The following RANBP2 variants were observed in gnomAD, a reference collection of about 807,000 sequenced individuals.
The protein encoded by RANBP2 is E3 SUMO-protein ligase RanBP2.
RANBP2 carries 57 observed loss-of-function variants against 303.6 expected under a neutral mutation model. The observed-to-expected ratio is 0.19, with a 90% CI of 0.15 to 0.23. The LOEUF is 0.23. RANBP2 is among the 10% of genes least tolerant of loss of function. The pLI, the probability that RANBP2 is intolerant of heterozygous loss-of-function variation, is 1.00. For missense variants in RANBP2, 3,138 were observed against 3,780.8 expected, an observed-to-expected ratio of 0.83 and a Z score of 4.46; for synonymous variants, 1,167 against 1,301.5, an observed-to-expected ratio of 0.90 and a Z score of 2.23.
At chr2:109,071,235 T>C in the RANBP2 span, among the ~76,000 whole-genome samples, 1 of 152,126 alleles carries the variant, frequency 6.6e-6, no homozygotes, top group Non-Finnish European at 1.5e-5. Flanking sequence ...ATGGAAAAGG[T>C]AAATTCAAGG....
chr2:109,046,234 G>A, the RANBP2 span, among the ~76,000 whole-genome samples: 1 of 150,478 alleles, frequency 6.6e-6, no homozygotes, highest in Non-Finnish European at 1.5e-5. Flanking sequence ...AACCCGGGAG[G>A]CGAAGGTTGC....
the RANBP2 span, among the ~76,000 whole-genome samples, chr2:109,078,276 A>ATATATATATATATATATAGCG: frequency 1.2e-4 from 9 of 76,804 alleles, 1 homozygote; most frequent in Non-Finnish European, 2.3e-4. Flanking sequence ...GCGTATATAT[A>ATATATATATATATATATAGCG]TATATATATA....
At chr2:108,974,348 A>T in the RANBP2 span, among the ~76,000 whole-genome samples, 1 of 150,882 alleles carries the variant, frequency 6.6e-6, no homozygotes, top group Non-Finnish European at 1.5e-5. Flanking sequence ...AAAAAAAAAA[A>T]AAAAAAGAAA....
the RANBP2 span, among the ~76,000 whole-genome samples, chr2:108,974,324 C>T: frequency 6.5e-5 from 6 of 93,004 alleles, no homozygotes; most frequent in African/African-American, 2.3e-4. Flanking sequence ...AGCGAGGATC[C>T]GTCTCAAAAA....
chr2:109,743,539 C>G, the RANBP2 span, among the ~76,000 whole-genome samples: 26 of 144,572 alleles, frequency 1.8e-4, 1 homozygote, highest in African/African-American at 6.8e-4. Context: ...AGACAAGCCA[C>G]AGGTTGAAAG....
the RANBP2 span, chr2:109,667,991 G>T: frequency 3.0e-5 from 5 of 169,000 alleles, no homozygotes; most frequent in Non-Finnish European, 5.4e-5. Context: ...GAGGGCTGAG[G>T]AGCAATTGCA....
At chr2:109,491,409 C>A in the RANBP2 span, among the ~76,000 whole-genome samples, 1 of 152,318 alleles carries the variant, frequency 6.6e-6, no homozygotes, top group South Asian at 2.1e-4. Flanking sequence ...AAGTCTATAT[C>A]CCTTGAATTA....
chr2:108,931,728 T>C, the RANBP2 span, among the ~76,000 whole-genome samples: 2,065 of 147,800 alleles, frequency 0.014, 22 homozygotes, highest in South Asian at 0.029. Context: ...GGTTTTTTTT[T>C]CTTTTTTTTT....
At chr2:108,780,122 C>T (rs1350848018) in intron 25 of RANBP2, among the ~76,000 whole-genome samples, 3 of 151,202 alleles carry the variant, frequency 2.0e-5, no homozygotes, top group Non-Finnish European at 4.4e-5. Context: ...TATCGCTAAG[C>T]ATAACAATAA....
At chr2:109,296,020 G>A in the RANBP2 span, among the ~76,000 whole-genome samples, 6 of 152,054 alleles carry the variant, frequency 3.9e-5, no homozygotes, top group Non-Finnish European at 7.4e-5. Context: ...GGATTGATGG[G>A]AGGCTCTGAA....
the RANBP2 span, among the ~76,000 whole-genome samples, chr2:109,546,883 GATAAAGA>G: frequency 6.6e-6 from 1 of 152,080 alleles, no homozygotes; most frequent in Non-Finnish European, 1.5e-5. Flanking sequence ...AGCCAATAAA[GATAAAGA>G]ATAAATTAAT....
the RANBP2 span, among the ~76,000 whole-genome samples, chr2:108,982,366 G>A: frequency 1.3e-5 from 2 of 152,220 alleles, no homozygotes; most frequent in South Asian, 4.1e-4. Flanking sequence ...GCCACCAAAG[G>A]CCTCCATCTC....
At chr2:109,400,699 C>T in the RANBP2 span, among the ~76,000 whole-genome samples, 12 of 146,454 alleles carry the variant, frequency 8.2e-5, no homozygotes, top group Non-Finnish European at 1.1e-4. Context: ...CACACCTGCA[C>T]GCATATGTGT....
At chr2:109,443,624 G>C in the RANBP2 span, among the ~76,000 whole-genome samples, 2 of 152,148 alleles carry the variant, frequency 1.3e-5, no homozygotes, top group Admixed American at 1.3e-4. Flanking sequence ...ATCAGATAGA[G>C]CAGAATTTAT....
chr2:109,626,062 A>G, the RANBP2 span, among the ~76,000 whole-genome samples: 1 of 152,330 alleles, frequency 6.6e-6, no homozygotes, highest in South Asian at 2.1e-4. Context: ...ATATGGTATA[A>G]GGGGAAAAAA....
the RANBP2 span, among the ~76,000 whole-genome samples, chr2:108,887,112 T>C: frequency 1.3e-5 from 2 of 152,314 alleles, no homozygotes; most frequent in African/African-American, 4.8e-5. Context: ...TAACCAATTT[T>C]CTCAGTACCA....
the RANBP2 span, among the ~76,000 whole-genome samples, chr2:109,078,719 G>A: frequency 2.4e-3 from 351 of 145,838 alleles, 14 homozygotes; most frequent in East Asian, 0.017. Flanking sequence ...GCGTTGGTGC[G>A]CGCCTGTAAT....
At chr2:109,052,579 A>G in the RANBP2 span, among the ~76,000 whole-genome samples, 5,548 of 152,288 alleles carry the variant, frequency 0.036, 145 homozygotes, top group Non-Finnish European at 0.057. Flanking sequence ...CCAAAAATTT[A>G]TTTTAGAGGC....
the RANBP2 span, among the ~76,000 whole-genome samples, chr2:109,168,183 T>G: frequency 7.9e-5 from 12 of 152,342 alleles, no homozygotes; most frequent in East Asian, 1.9e-3. Flanking sequence ...AAGACTGTGA[T>G]TTGCAAACAT....
Sources: gnomAD v4.1 joint callset for allele counts (sites outside exome capture counted in the v4.1 genomes callset) on GRCh38, gnomAD v4.1.1 for gene constraint, MANE v1.5 for transcripts, NCBI Gene and HGNC (gene_info 2026-07-23, HGNC 2026-07-21) for gene names.